The following SOX5 variants were observed in gnomAD, a reference collection of about 807,000 sequenced individuals.
SOX5 encodes SRY-box transcription factor 5.
SOX5 carries 9 observed loss-of-function variants against 92.0 expected under a neutral mutation model. That is an observed-to-expected ratio of 0.10 (90% CI 0.06 to 0.17). The LOEUF (loss-of-function observed/expected upper bound fraction) is 0.17. SOX5 is among the 10% of genes least tolerant of loss of function. The pLI, the probability that SOX5 is intolerant of heterozygous loss-of-function variation, is 1.00. For missense variants in SOX5, 642 were observed against 944.5 expected (o/e 0.68, Z 4.20); for synonymous variants, 344 against 336.3 (o/e 1.02, Z -0.25).
At chr12:23,762,729 T>C (rs1307679295) in intron 3 of SOX5, 1 of 427,446 alleles carries the variant, frequency 2.3e-6, no homozygotes, top group Non-Finnish European at 4.1e-6. Context: ...TCTTGTTGCA[T>C]CAGCTGAACC....
At chr12:24,347,993 G>C (rs1383885319) in intron 2 of SOX5, among the ~76,000 whole-genome samples, 1 of 141,528 alleles carries the variant, frequency 7.1e-6, no homozygotes, top group Non-Finnish European at 1.5e-5. Context: ...CAAGACAGAC[G>C]GATATAAAGG....
intron 3 of SOX5, among the ~76,000 whole-genome samples, chr12:23,766,612 G>T (rs2094734650): frequency 6.6e-6 from 1 of 152,052 alleles, no homozygotes; most frequent in Non-Finnish European, 1.5e-5. Context: ...TGACTAAGAT[G>T]TGAAAGAGTA....
At chr12:24,098,240 A>T (rs1279526488) in intron 4 of SOX5, among the ~76,000 whole-genome samples, 4 of 152,120 alleles carry the variant, frequency 2.6e-5, no homozygotes, top group Non-Finnish European at 4.4e-5. Context: ...CATCCTTATT[A>T]ACCACTTAGG....
At chr12:24,481,425 G>A (rs2137806867) in intron 1 of SOX5, among the ~76,000 whole-genome samples, 1 of 152,178 alleles carries the variant, frequency 6.6e-6, no homozygotes, top group South Asian at 2.1e-4. Context: ...GAGTATAATT[G>A]GACTGTTTGT....
chr12:24,386,099 A>G (rs1395986501), intron 1 of SOX5, among the ~76,000 whole-genome samples: 1 of 152,102 alleles, frequency 6.6e-6, no homozygotes, highest in Admixed American at 6.6e-5. Flanking sequence ...TCCTCAAATA[A>G]TATTGTCTAG....
chr12:23,964,091 CCTCT>C (rs1386653160), intron 4 of SOX5, among the ~76,000 whole-genome samples: 1 of 151,816 alleles, frequency 6.6e-6, no homozygotes, highest in African/African-American at 2.4e-5. Flanking sequence ...TTCCACCAAA[CCTCT>C]CTCTCTTCAT....
At chr12:24,157,634 T>G (rs934944499) in intron 4 of SOX5, among the ~76,000 whole-genome samples, 1 of 152,094 alleles carries the variant, frequency 6.6e-6, no homozygotes, top group Non-Finnish European at 1.5e-5. Context: ...TTTCAATAAG[T>G]GATTTGCCAA....
chr12:23,888,702 G>A (rs1243774994), intron 2 of SOX5, among the ~76,000 whole-genome samples: 2 of 152,118 alleles, frequency 1.3e-5, no homozygotes, highest in African/African-American at 4.8e-5. Flanking sequence ...AACAATGCAA[G>A]TATAATGATT....
At chr12:24,183,604 A>G (rs986746423) in intron 4 of SOX5, among the ~76,000 whole-genome samples, 1 of 152,186 alleles carries the variant, frequency 6.6e-6, no homozygotes, top group Admixed American at 6.5e-5. Flanking sequence ...AAAGCAACGT[A>G]TTTTAAAAGT....
chr12:23,604,170 T>A (rs978912424), intron 9 of SOX5: 4 of 491,070 alleles, frequency 8.1e-6, no homozygotes, highest in Non-Finnish European at 1.5e-5. Context: ...CATTTTCTAC[T>A]ATAGTTATCG....
Position 24,005,244 on chromosome 12 carries a change from T to C in SOX5, c.-1-109220A>G, listed in dbSNP as rs543723373. ...ATTGGTGAATTCTGAAGTACGTAAA[T>C]GACATTTCAATAAAGCTATTTCAAA... On this transcript the variant is annotated intron_variant, in intron 4 of 4. Transcript: ENST00000446891. Among the ~76,000 whole-genome samples the C allele has an allele frequency of 1.7e-4, 26 of 151,984 alleles. No homozygotes were observed. In the South Asian group the frequency reaches 1.9e-3, roughly 11 times the overall value.
At chr12:24,299,862 G>A (rs764647162) in intron 2 of SOX5, among the ~76,000 whole-genome samples, 10 of 152,168 alleles carry the variant, frequency 6.6e-5, no homozygotes, top group South Asian at 6.2e-4. Flanking sequence ...GTGTCTACCC[G>A]TTATTTGATG....
chr12:24,425,086 T>C (rs1402160251), intron 1 of SOX5, among the ~76,000 whole-genome samples: 2 of 152,072 alleles, frequency 1.3e-5, no homozygotes, highest in African/African-American at 4.8e-5. Context: ...TACTTCAAAA[T>C]GATATCAGAA....
chr12:23,868,489 A>G (rs2096839067), intron 2 of SOX5, among the ~76,000 whole-genome samples: 3 of 152,148 alleles, frequency 2.0e-5, no homozygotes, highest in Admixed American at 6.5e-5. Context: ...ACCCACTCTT[A>G]CTTTCCATTC....
chr12:24,148,878 A>T (rs1565535425), intron 4 of SOX5, among the ~76,000 whole-genome samples: 2 of 1,990 alleles, frequency 1.0e-3, no homozygotes, highest in East Asian at 0.12. Flanking sequence ...TGACAGAGGG[A>T]GAGGGAGACT....
At position 23,913,397 on chromosome 12, in the gene SOX5, C is replaced by G. The variant is rs573462972; in HGVS notation, c.39-17373G>C. Reference sequence around the variant, plus strand: ...GCTCCTTTTCTCTTTGCCACATCAACTTTTTACACTCCTCATAGGCAAATA... The same window carrying G: ...GCTCCTTTTCTCTTTGCCACATCAAGTTTTTACACTCCTCATAGGCAAATA... On this transcript the variant is annotated intron_variant, in intron 1 of 14. Coordinates refer to ENST00000451604, the MANE Select transcript of SOX5 (RefSeq NM_006940.6). Among the ~76,000 whole-genome samples the G allele has an allele frequency of 2.0e-5, 3 of 151,262 alleles. No homozygotes were observed. The East Asian group carries it at 5.8e-4, about 29-fold the overall frequency.
intron 4 of SOX5, among the ~76,000 whole-genome samples, chr12:24,160,573 AT>A (rs1565558491): frequency 1.3e-5 from 2 of 152,088 alleles, no homozygotes; most frequent in African/African-American, 2.4e-5. Flanking sequence ...TACAAGATTG[AT>A]TCAAGAGAAG....
intron 7 of SOX5, among the ~76,000 whole-genome samples, chr12:23,647,191 C>T (rs761928251): frequency 6.6e-5 from 10 of 152,288 alleles, no homozygotes; most frequent in African/African-American, 2.4e-4. Flanking sequence ...TTGTACACCA[C>T]CATCAGAGTT....
chr12:23,819,078 T>C (rs933576028), intron 3 of SOX5, among the ~76,000 whole-genome samples: 1 of 152,220 alleles, frequency 6.6e-6, no homozygotes, highest in Non-Finnish European at 1.5e-5. Context: ...AGTAAATATA[T>C]ACATCAGTAA....
Sources: gnomAD v4.1 joint callset for allele counts (sites outside exome capture counted in the v4.1 genomes callset) on GRCh38, gnomAD v4.1.1 for gene constraint, MANE v1.5 for transcripts, NCBI Gene and HGNC (gene_info 2026-07-23, HGNC 2026-07-21) for gene names.